The following TENM3 variants were observed in gnomAD, a reference collection of about 807,000 sequenced individuals.
The protein encoded by TENM3 is teneurin-3.
In TENM3, 63 loss-of-function variants were observed where a neutral mutation model predicts 255.1. That is an observed-to-expected ratio of 0.25 (90% CI 0.20 to 0.30). The LOEUF (loss-of-function observed/expected upper bound fraction) is 0.30. Among genes scored for constraint, TENM3 ranks in the 10% least tolerant of loss-of-function variants. The pLI is 1.00. For synonymous variants in TENM3, 1,306 were observed against 1,322.3 expected (o/e 0.99, Z 0.27); for missense variants, 2,929 against 3,461.1 (o/e 0.85, Z 3.86).
the TENM3 span, among the ~76,000 whole-genome samples, chr4:181,757,069 G>A: frequency 8.6e-5 from 13 of 151,988 alleles, no homozygotes; most frequent in Admixed American, 1.3e-4. Context: ...ATGTAAACCC[G>A]CCATCACAAA....
chr4:182,159,051 A>G (rs1003435500), intron 1 of TENM3, among the ~76,000 whole-genome samples: 1 of 152,196 alleles, frequency 6.6e-6, no homozygotes, highest in Non-Finnish European at 1.5e-5. Flanking sequence ...ATCTAGGGCA[A>G]AGCTGCCTCG....
chr4:181,819,637 G>A, the TENM3 span, among the ~76,000 whole-genome samples: 233 of 152,268 alleles, frequency 1.5e-3, no homozygotes, highest in Non-Finnish European at 2.5e-3. Flanking sequence ...ATTGCAGGAC[G>A]AAACTGTTGC....
chr4:181,753,362 C>CT, the TENM3 span, among the ~76,000 whole-genome samples: 1 of 151,954 alleles, frequency 6.6e-6, no homozygotes, highest in African/African-American at 2.4e-5. Context: ...GAATCCTTAT[C>CT]TCTTGGATTC....
chr4:181,839,407 A>G, the TENM3 span, among the ~76,000 whole-genome samples: 73,197 of 123,670 alleles, frequency 0.59, 23,579 homozygotes, highest in East Asian at 0.74. Context: ...ATATATATAT[A>G]CATGTATGCC....
chr4:181,998,933 G>GT, the TENM3 span, among the ~76,000 whole-genome samples: 1 of 152,134 alleles, frequency 6.6e-6, no homozygotes, highest in African/African-American at 2.4e-5. Flanking sequence ...CTGAACTCCG[G>GT]TTTTTTCAGA....
At chr4:181,789,817 A>G in the TENM3 span, among the ~76,000 whole-genome samples, 2 of 152,128 alleles carry the variant, frequency 1.3e-5, no homozygotes, top group African/African-American at 2.4e-5. Context: ...TGCTGAAAAC[A>G]TGGAAGTGCT....
At chr4:181,605,584 G>GAGAGAGAGAGAGA in the TENM3 span, among the ~76,000 whole-genome samples, 38 of 69,186 alleles carry the variant, frequency 5.5e-4, 4 homozygotes, top group African/African-American at 2.0e-3. Context: ...GAGAAAGAAA[G>GAGAGAGAGAGAGA]GAAAGAAAGA....
chr4:181,500,589 G>T, the TENM3 span, among the ~76,000 whole-genome samples: 1 of 152,018 alleles, frequency 6.6e-6, no homozygotes, highest in African/African-American at 2.4e-5. Context: ...AATGTTTATT[G>T]TTTATTACTG....
At chr4:182,425,394 T>C (rs1483539696) in intron 3 of TENM3, among the ~76,000 whole-genome samples, 1 of 152,242 alleles carries the variant, frequency 6.6e-6, no homozygotes, top group East Asian at 1.9e-4. Flanking sequence ...ACCTCCTCTG[T>C]AAGGATCACA....
At chr4:181,918,110 G>A in the TENM3 span, among the ~76,000 whole-genome samples, 5 of 152,160 alleles carry the variant, frequency 3.3e-5, no homozygotes, top group Admixed American at 3.3e-4. Context: ...CTACAGGAAA[G>A]CACTGGACAA....
the TENM3 span, among the ~76,000 whole-genome samples, chr4:182,010,728 T>C: frequency 6.6e-6 from 1 of 152,230 alleles, no homozygotes; most frequent in African/African-American, 2.4e-5. Flanking sequence ...ATTCCTATTT[T>C]ATTTTTAGTG....
chr4:182,546,963 G>T (rs1741510104), intron 3 of TENM3, among the ~76,000 whole-genome samples: 1 of 152,130 alleles, frequency 6.6e-6, no homozygotes, highest in African/African-American at 2.4e-5. Flanking sequence ...AATCTGATCA[G>T]TATGTTAACT....
chr4:182,185,040 G>A (rs902141772), intron 1 of TENM3, among the ~76,000 whole-genome samples: 1 of 151,656 alleles, frequency 6.6e-6, no homozygotes, highest in Non-Finnish European at 1.5e-5. Context: ...CCGAGACTGC[G>A]CTACTGCACT....
chr4:181,615,016 G>C, the TENM3 span, among the ~76,000 whole-genome samples: 2 of 152,188 alleles, frequency 1.3e-5, no homozygotes, highest in Admixed American at 1.3e-4. Context: ...ATGGAAGGCA[G>C]GGGAGAGAGA....
At chr4:181,976,472 C>G in the TENM3 span, 1 of 152,136 alleles carries the variant, frequency 6.6e-6, no homozygotes, top group African/African-American at 2.4e-5. Context: ...ATATGAGACC[C>G]GATCTCACAT....
the TENM3 span, among the ~76,000 whole-genome samples, chr4:181,723,210 G>A: frequency 6.6e-6 from 1 of 151,426 alleles, no homozygotes; most frequent in Non-Finnish European, 1.5e-5. Context: ...TGTTGGGTAT[G>A]CTGGTGAAGT....
chr4:182,342,670 A>C (rs1356819315), intron 2 of TENM3, among the ~76,000 whole-genome samples: 1 of 152,182 alleles, frequency 6.6e-6, no homozygotes, highest in Admixed American at 6.5e-5. Flanking sequence ...TAAAGGAACA[A>C]ACAAGCAAGA....
the TENM3 span, among the ~76,000 whole-genome samples, chr4:181,833,456 G>A: frequency 6.6e-6 from 1 of 152,130 alleles, no homozygotes; most frequent in African/African-American, 2.4e-5. Flanking sequence ...CTAAAACAGG[G>A]GGGCAGGGGA....
the TENM3 span, among the ~76,000 whole-genome samples, chr4:181,831,402 T>A: frequency 6.6e-6 from 1 of 151,454 alleles, no homozygotes; most frequent in Non-Finnish European, 1.5e-5. Flanking sequence ...CTACAGAAGT[T>A]AGAAAAGCCA....
Sources: gnomAD v4.1 joint callset for allele counts (sites outside exome capture counted in the v4.1 genomes callset) on GRCh38, gnomAD v4.1.1 for gene constraint, MANE v1.5 for transcripts, NCBI Gene and HGNC (gene_info 2026-07-23, HGNC 2026-07-21) for gene names.